SNX29: variants seen among roughly 807,000 people sequenced by gnomAD.
SNX29 encodes sorting nexin-29.
SNX29 carries 78 observed loss-of-function variants against 102.1 expected under a neutral mutation model. The ratio of observed to expected loss-of-function variants is 0.76; its 90% confidence interval spans 0.64 to 0.92. The LOEUF (loss-of-function observed/expected upper bound fraction) is 0.92, where lower values mean the gene tolerates loss of function less well. Among genes scored for constraint, SNX29 ranks in the 40% least tolerant of loss-of-function variants. The probability of loss-of-function intolerance (pLI) is 0.00; values close to 1 mark genes in which losing one functional copy is unlikely to be tolerated. For synonymous variants in SNX29, 580 were observed against 414.5 expected, an observed-to-expected ratio of 1.40 and a Z score of -4.85; for missense variants, 1,280 against 1,061.7, an observed-to-expected ratio of 1.21 and a Z score of -2.86.
chr16:12,223,332 C>T (rs183638436), intron 14 of SNX29, among the ~76,000 whole-genome samples: 14 of 152,266 alleles, frequency 9.2e-5, no homozygotes, highest in South Asian at 2.1e-4. Context: ...TTGAGACCAT[C>T]GTGGCCAACA....
chr16:12,392,229 A>G (rs1170344787), intron 16 of SNX29, among the ~76,000 whole-genome samples: 1 of 152,304 alleles, frequency 6.6e-6, no homozygotes, highest in South Asian at 2.1e-4. Flanking sequence ...CAGCCTGGCT[A>G]TGAGTGTGCT....
At chr16:12,340,882 C>A (rs1032837678) in intron 15 of SNX29, among the ~76,000 whole-genome samples, 2 of 152,148 alleles carry the variant, frequency 1.3e-5, no homozygotes, top group Non-Finnish European at 2.9e-5. Flanking sequence ...TCTTTGCCTT[C>A]CATCCACTAA....
At chr16:12,496,435 G>A (rs2088827185) in intron 19 of SNX29, among the ~76,000 whole-genome samples, 1 of 151,544 alleles carries the variant, frequency 6.6e-6, no homozygotes, top group Admixed American at 6.6e-5. Flanking sequence ...ATGGAGGCTG[G>A]GCCCTTCGCT....
At chr16:12,348,929 C>A (rs2081910423) in intron 15 of SNX29, among the ~76,000 whole-genome samples, 1 of 152,110 alleles carries the variant, frequency 6.6e-6, no homozygotes, top group Admixed American at 6.5e-5. Context: ...CCCCCTGAGT[C>A]TGCCCACCCC....
chr16:12,127,950 GA>G (rs1218036226), intron 12 of SNX29, among the ~76,000 whole-genome samples: 3 of 152,238 alleles, frequency 2.0e-5, no homozygotes, highest in African/African-American at 7.2e-5. Context: ...GACGTGGGGA[GA>G]GGGGGGTGTG....
intron 14 of SNX29, among the ~76,000 whole-genome samples, chr16:12,221,519 C>G (rs569462251): frequency 1.3e-5 from 2 of 152,164 alleles, no homozygotes; most frequent in Non-Finnish European, 2.9e-5. Flanking sequence ...GAGGCTGAGG[C>G]AGGAGAATCA....
intron 20 of SNX29, among the ~76,000 whole-genome samples, chr16:12,561,827 T>C (rs1007734265): frequency 2.0e-5 from 3 of 151,942 alleles, no homozygotes; most frequent in Non-Finnish European, 2.9e-5. Context: ...CTTACATCCT[T>C]CTCCCTGCAG....
In SNX29 at chr16:12,007,554, G is replaced by A. The variant is rs74640381; in HGVS notation, c.122+4511G>A. ...AGTTGAATCTCAAGAGGGAAAGTCAGCGAACATTTAAAAATAACTTAGGAC... is the reference window on the plus strand; with the variant it reads ...AGTTGAATCTCAAGAGGGAAAGTCAACGAACATTTAAAAATAACTTAGGAC... On this transcript the variant is annotated intron_variant, in intron 3 of 20. Coordinates refer to ENST00000566228, the MANE Select transcript of SNX29 (RefSeq NM_032167.5). Among the ~76,000 whole-genome samples, 232 of 152,300 alleles carry A rather than the reference G, an allele frequency of 1.5e-3. 3 individuals are homozygous for A. The East Asian group carries it at 0.043, about 28-fold the overall frequency.
At chr16:12,027,547 C>A in intron 4 of SNX29, 103 bp downstream of exon 4, 1 of 1,428,300 alleles carries the variant, frequency 7.0e-7, no homozygotes, top group Non-Finnish European at 9.5e-7. Flanking sequence ...TCGCGTGGGA[C>A]TTGGTGGGGT....
At chr16:12,520,568 A>G (rs1013903091) in intron 19 of SNX29, among the ~76,000 whole-genome samples, 3 of 152,200 alleles carry the variant, frequency 2.0e-5, no homozygotes, top group Non-Finnish European at 4.4e-5. Flanking sequence ...ACAGACATCA[A>G]TGGATAAAGA....
intron 18 of SNX29, among the ~76,000 whole-genome samples, chr16:12,422,400 A>C (rs2084908244): frequency 6.6e-6 from 1 of 152,208 alleles, no homozygotes; most frequent in Admixed American, 6.5e-5. Context: ...GTTTTTAATT[A>C]ATGCAAAATT....
chr16:12,376,469 C>T (rs138183518), intron 16 of SNX29, among the ~76,000 whole-genome samples: 462 of 152,186 alleles, frequency 3.0e-3, no homozygotes, highest in African/African-American at 0.011. Flanking sequence ...GGCATGGTGG[C>T]TCATACCTGT....
intron 18 of SNX29, among the ~76,000 whole-genome samples, chr16:12,461,504 G>A (rs1402843500): frequency 2.0e-5 from 3 of 152,106 alleles, no homozygotes; most frequent in South Asian, 2.1e-4. Flanking sequence ...CTTAAAACTC[G>A]TCTCCTCTAT....
At chr16:12,118,331 T>TTTC (rs930107628) in intron 11 of SNX29, among the ~76,000 whole-genome samples, 1 of 141,526 alleles carries the variant, frequency 7.1e-6, no homozygotes, top group Non-Finnish European at 1.5e-5. Context: ...TTTTTTTTTT[T>TTTC]TTTTTATGAG....
At chr16:12,461,978 A>AAATATATAT (rs1555544501) in intron 18 of SNX29, among the ~76,000 whole-genome samples, 1 of 27,352 alleles carries the variant, frequency 3.7e-5, no homozygotes, top group Non-Finnish European at 6.3e-5. Flanking sequence ...AAAAAAAAAA[A>AAATATATAT]ATATATATAT....
chr16:12,501,768 C>T (rs943799372), intron 19 of SNX29, among the ~76,000 whole-genome samples: 1 of 141,324 alleles, frequency 7.1e-6, no homozygotes. Context: ...GGTAAAAGAT[C>T]TACATGGTTC....
chr16:12,181,108 C>G (rs1456028246), intron 13 of SNX29, among the ~76,000 whole-genome samples: 2 of 152,216 alleles, frequency 1.3e-5, no homozygotes, highest in Non-Finnish European at 2.9e-5. Flanking sequence ...CTTGCGCTCA[C>G]CTGCTAGGGG....
intron 13 of SNX29, among the ~76,000 whole-genome samples, chr16:12,130,548 T>C (rs540302486): frequency 1.1e-4 from 16 of 151,778 alleles, no homozygotes; most frequent in Admixed American, 2.0e-4. Flanking sequence ...ACTTATTTCA[T>C]TGAGTAAATA....
At chr16:12,208,410 C>CTCTTGGAG (rs147863978) in intron 14 of SNX29, among the ~76,000 whole-genome samples, 32,542 of 152,168 alleles carry the variant, frequency 0.21, 3,605 homozygotes, top group African/African-American at 0.27. Context: ...GGTTTGTAAG[C>CTCTTGGAG]TCTCAGAAGG....
Sources: gnomAD v4.1 joint callset for allele counts (sites outside exome capture counted in the v4.1 genomes callset) on GRCh38, gnomAD v4.1.1 for gene constraint, MANE v1.5 for transcripts, NCBI Gene and HGNC (gene_info 2026-07-23, HGNC 2026-07-21) for gene names.